The following SLC44A5 variants were observed in gnomAD, a reference collection of about 807,000 sequenced individuals.
SLC44A5 encodes solute carrier family 44 member 5.
Under a neutral mutation model 101.8 loss-of-function variants are expected in SLC44A5, and 57 were observed. The ratio of observed to expected loss-of-function variants is 0.56; its 90% CI spans 0.45 to 0.70. The LOEUF (loss-of-function observed/expected upper bound fraction) is 0.70, where lower values mean the gene tolerates loss of function less well. Among genes scored for constraint, SLC44A5 ranks in the 30% least tolerant of loss-of-function variants. The pLI is 0.00. For missense variants in SLC44A5, 737 were observed against 853.1 expected (o/e 0.86, Z 1.70); for synonymous variants, 281 against 290.9 (o/e 0.97, Z 0.35).
At chr1:75,292,544 C>T (rs1456595631) in intron 5 of SLC44A5, among the ~76,000 whole-genome samples, 1 of 152,092 alleles carries the variant, frequency 6.6e-6, no homozygotes, top group African/African-American at 2.4e-5. Context: ...ATACACTCCC[C>T]TTTTTAGTCT....
At chr1:75,551,078 T>G (rs1159156908) in intron 1 of SLC44A5, among the ~76,000 whole-genome samples, 1 of 152,150 alleles carries the variant, frequency 6.6e-6, no homozygotes, top group Non-Finnish European at 1.5e-5. Flanking sequence ...TAGAGATTAT[T>G]ATTGTTGTTA....
intron 3 of SLC44A5, among the ~76,000 whole-genome samples, chr1:75,348,035 T>C (rs538000966): frequency 6.6e-6 from 1 of 152,120 alleles, no homozygotes; most frequent in East Asian, 1.9e-4. Flanking sequence ...TTGCCTCATA[T>C]TCTTCCATGA....
the SLC44A5 span, among the ~76,000 whole-genome samples, chr1:75,623,853 T>C: frequency 6.6e-6 from 1 of 152,228 alleles, no homozygotes; most frequent in East Asian, 1.9e-4. Flanking sequence ...GAGCCCGTCA[T>C]TGAGTTGGGG....
intron 6 of SLC44A5, among the ~76,000 whole-genome samples, chr1:75,272,110 C>T (rs1264422842): frequency 6.6e-6 from 1 of 151,990 alleles, no homozygotes; most frequent in Non-Finnish European, 1.5e-5. Context: ...ATTTGTATAT[C>T]TTCTGTTGAG....
chr1:75,534,904 C>T (rs1670912581), intron 2 of SLC44A5, among the ~76,000 whole-genome samples: 1 of 152,192 alleles, frequency 6.6e-6, no homozygotes, highest in South Asian at 2.1e-4. Context: ...AAATTATGCC[C>T]ACATTATAAT....
intron 3 of SLC44A5, among the ~76,000 whole-genome samples, chr1:75,360,880 T>A (rs1043115499): frequency 6.6e-6 from 1 of 152,216 alleles, no homozygotes; most frequent in African/African-American, 2.4e-5. Context: ...TTGCACTGAA[T>A]GTGTAGAGCA....
intron 7 of SLC44A5, among the ~76,000 whole-genome samples, chr1:75,250,943 G>A (rs137910377): frequency 6.6e-6 from 1 of 152,208 alleles, no homozygotes; most frequent in East Asian, 1.9e-4. Flanking sequence ...ATTTCTCTGG[G>A]CTGCACATAT....
At chr1:75,329,690 A>T (rs1330199454) in intron 4 of SLC44A5, among the ~76,000 whole-genome samples, 1 of 152,156 alleles carries the variant, frequency 6.6e-6, no homozygotes, top group East Asian at 1.9e-4. Flanking sequence ...AAAAACTGAA[A>T]TGAAATTCCG....
the SLC44A5 span, among the ~76,000 whole-genome samples, chr1:75,664,118 T>TAA: frequency 5.3e-4 from 81 of 151,918 alleles, no homozygotes; most frequent in African/African-American, 1.1e-3. Flanking sequence ...CCCTTCATGA[T>TAA]AAAAAACCTC....
chr1:75,423,520 T>C (rs1206952822), intron 2 of SLC44A5, among the ~76,000 whole-genome samples: 1 of 152,250 alleles, frequency 6.6e-6, no homozygotes, highest in Non-Finnish European at 1.5e-5. Context: ...CTAGAGTCTA[T>C]GATTTAAGGA....
intron 6 of SLC44A5, among the ~76,000 whole-genome samples, chr1:75,260,508 C>T (rs1029305383): frequency 7.2e-5 from 11 of 152,172 alleles, no homozygotes; most frequent in Middle Eastern, 3.4e-3. Context: ...AATACAGGAA[C>T]ACCCAGATTA....
intron 6 of SLC44A5, among the ~76,000 whole-genome samples, chr1:75,271,497 T>TTTTGTGTGTGTG (rs1553152601): frequency 1.5e-4 from 22 of 146,400 alleles, no homozygotes; most frequent in Middle Eastern, 3.5e-3. Context: ...TCTGCATGTT[T>TTTTGTGTGTGTG]TGTGTGTGTG....
chr1:75,455,013 A>C (rs968446271), intron 2 of SLC44A5, among the ~76,000 whole-genome samples: 1 of 152,274 alleles, frequency 6.6e-6, no homozygotes, highest in Non-Finnish European at 1.5e-5. Context: ...AGAAATAGAA[A>C]AAAACTATTC....
chr1:75,699,396 C>T, the SLC44A5 span, among the ~76,000 whole-genome samples: 1 of 152,002 alleles, frequency 6.6e-6, no homozygotes, highest in Non-Finnish European at 1.5e-5. Flanking sequence ...CATATCCAGC[C>T]AAACTAAGCT....
intron 5 of SLC44A5, among the ~76,000 whole-genome samples, chr1:75,283,098 G>A (rs1652745905): frequency 6.6e-6 from 1 of 152,032 alleles, no homozygotes; most frequent in Admixed American, 6.6e-5. Flanking sequence ...TTCCATAGTG[G>A]TAGTACTAGT....
At chr1:75,704,955 C>T in the SLC44A5 span, among the ~76,000 whole-genome samples, 2 of 152,088 alleles carry the variant, frequency 1.3e-5, no homozygotes, top group Non-Finnish European at 2.9e-5. Context: ...AGCTAGTTTT[C>T]CTAGTTTGCT....
chr1:75,698,365 A>C, the SLC44A5 span, among the ~76,000 whole-genome samples: 1 of 152,286 alleles, frequency 6.6e-6, no homozygotes, highest in Non-Finnish European at 1.5e-5. Context: ...GAGCAGCCTA[A>C]CTGGGAGGCA....
chr1:75,607,801 G>A (rs1225278597), intron 1 of SLC44A5, among the ~76,000 whole-genome samples: 1 of 151,928 alleles, frequency 6.6e-6, no homozygotes, highest in Non-Finnish European at 1.5e-5. Context: ...CTGCCATGAT[G>A]GTGAGGCCTC....
At chr1:75,528,739 C>G (rs539244222) in intron 2 of SLC44A5, among the ~76,000 whole-genome samples, 1 of 152,218 alleles carries the variant, frequency 6.6e-6, no homozygotes, top group East Asian at 1.9e-4. Context: ...ACTATCTGGA[C>G]CCTATTTACT....
Sources: gnomAD v4.1 joint callset for allele counts (sites outside exome capture counted in the v4.1 genomes callset) on GRCh38, gnomAD v4.1.1 for gene constraint, MANE v1.5 for transcripts, NCBI Gene and HGNC (gene_info 2026-07-23, HGNC 2026-07-21) for gene names.